RBFOX1: variants seen among roughly 807,000 people sequenced by gnomAD.
The protein encoded by RBFOX1 is RNA binding protein fox-1 homolog 1.
In RBFOX1, 8 loss-of-function variants were observed where a neutral mutation model predicts 57.7. That is an observed-to-expected ratio of 0.14 (90% CI 0.08 to 0.25). The LOEUF is 0.25. RBFOX1 is among the 10% of genes least tolerant of loss of function. RBFOX1 has a pLI of 1.00. For synonymous variants in RBFOX1, 326 were observed against 222.4 expected (o/e 1.47, Z -4.15); for missense variants, 611 against 548.5 (o/e 1.11, Z -1.14).
intron 3 of RBFOX1, among the ~76,000 whole-genome samples, chr16:6,674,975 G>C (rs1005633537): frequency 6.6e-6 from 1 of 151,874 alleles, no homozygotes; most frequent in African/African-American, 2.4e-5. Flanking sequence ...GCATGATCTT[G>C]GCTCACTGCA....
intron 2 of RBFOX1, among the ~76,000 whole-genome samples, chr16:6,387,498 G>C (rs1053677109): frequency 1.3e-5 from 2 of 150,970 alleles, no homozygotes; most frequent in African/African-American, 4.9e-5. Flanking sequence ...CTTTTGAAGA[G>C]AGAGGTGTAA....
At chr16:5,630,675 C>G (rs927764781) in intron 3 of RBFOX1, among the ~76,000 whole-genome samples, 1 of 152,074 alleles carries the variant, frequency 6.6e-6, no homozygotes, top group Non-Finnish European at 1.5e-5. Context: ...CAGAGAGAAG[C>G]CAAGCCGGCT....
intron 3 of RBFOX1, among the ~76,000 whole-genome samples, chr16:6,865,150 C>T (rs1430865950): frequency 6.6e-6 from 1 of 151,398 alleles, no homozygotes; most frequent in Non-Finnish European, 1.5e-5. Context: ...TTACAGGTGC[C>T]CACCACCACT....
At chr16:7,113,679 T>C (rs900942484) in intron 4 of RBFOX1, among the ~76,000 whole-genome samples, 2 of 152,246 alleles carry the variant, frequency 1.3e-5, no homozygotes, top group Non-Finnish European at 2.9e-5. Flanking sequence ...ATCTTGGAGA[T>C]TGTTGCATGT....
chr16:7,458,016 G>C (rs550836683), intron 4 of RBFOX1, among the ~76,000 whole-genome samples: 1 of 152,168 alleles, frequency 6.6e-6, no homozygotes, highest in East Asian at 1.9e-4. Context: ...TGCTTGGTTG[G>C]TATATTCAGC....
chr16:6,962,955 C>G (rs139958548), intron 3 of RBFOX1, among the ~76,000 whole-genome samples: 1 of 152,088 alleles, frequency 6.6e-6, no homozygotes, highest in Non-Finnish European at 1.5e-5. Flanking sequence ...TTGCTTTGAT[C>G]GCTCAGCAGT....
At chr16:7,146,534 C>G (rs1330368459) in intron 4 of RBFOX1, among the ~76,000 whole-genome samples, 4 of 152,176 alleles carry the variant, frequency 2.6e-5, no homozygotes, top group East Asian at 1.9e-4. Flanking sequence ...TCAGAGTTAA[C>G]TTTTGTATTT....
chr16:6,159,025 C>T (rs2096858473), intron 1 of RBFOX1, among the ~76,000 whole-genome samples: 1 of 152,036 alleles, frequency 6.6e-6, no homozygotes. Flanking sequence ...GCCTCAGCCT[C>T]CCAAGGAGCT....
rs193243052 is a variant in RBFOX1 at position 6,536,018 on chromosome 16, G to A, written c.-63-118585G>A. On this transcript the variant is annotated intron_variant, in intron 2 of 15. Transcript: ENST00000550418. ...CTATCTCTAGGCTATCCACAAAATGGAGATGTGTGATTCATGCTTTTCATG... is the reference window on the plus strand; with the variant it reads ...CTATCTCTAGGCTATCCACAAAATGAAGATGTGTGATTCATGCTTTTCATG... Among the ~76,000 whole-genome samples, 50 of 152,222 alleles carry A rather than the reference G, an allele frequency of 3.3e-4. 1 individual carries two copies. In the East Asian group the frequency reaches 9.3e-3, roughly 28 times the overall value.
At chr16:6,594,286 A>G (rs1258744848) in intron 2 of RBFOX1, among the ~76,000 whole-genome samples, 2 of 152,238 alleles carry the variant, frequency 1.3e-5, no homozygotes, top group Non-Finnish European at 2.9e-5. Context: ...AGAACCATCT[A>G]GACAGCCATA....
At chr16:6,711,974 T>A (rs4786111) in intron 3 of RBFOX1, among the ~76,000 whole-genome samples, 148,571 of 152,262 alleles carry the variant, frequency 0.98, 72,573 homozygotes, top group Middle Eastern at 1. Context: ...TGTAGCATTT[T>A]GTATAGTATA....
At chr16:6,034,713 G>GT in intron 1 of RBFOX1, among the ~76,000 whole-genome samples, 1 of 152,238 alleles carries the variant, frequency 6.6e-6, no homozygotes, top group South Asian at 2.1e-4. Context: ...TGTCATTGCT[G>GT]TTTTTTTGCT....
At chr16:5,247,390 C>T (rs190349087) in intron 1 of RBFOX1, among the ~76,000 whole-genome samples, 33 of 152,304 alleles carry the variant, frequency 2.2e-4, no homozygotes, top group African/African-American at 7.5e-4. Flanking sequence ...TTTGTCCCTC[C>T]GCATGAGATG....
At chr16:7,371,119 G>A (rs1347181013) in intron 4 of RBFOX1, among the ~76,000 whole-genome samples, 1 of 152,098 alleles carries the variant, frequency 6.6e-6, no homozygotes, top group Non-Finnish European at 1.5e-5. Context: ...TTTCATAAAT[G>A]CCAAGGCCTG....
chr16:6,014,123 AAAAAT>A (rs544288356), upstream of RBFOX1, among the ~76,000 whole-genome samples: 8 of 152,304 alleles, frequency 5.3e-5, no homozygotes, highest in East Asian at 1.2e-3. Context: ...AAAAAAATTA[AAAAAT>A]AAAAAGGAAA....
intron 4 of RBFOX1, among the ~76,000 whole-genome samples, chr16:5,950,584 A>G (rs953356868): frequency 1.6e-4 from 25 of 152,132 alleles, no homozygotes; most frequent in African/African-American, 6.0e-4. Flanking sequence ...AATCATTGCT[A>G]TTCTTCTTTT....
intron 3 of RBFOX1, among the ~76,000 whole-genome samples, chr16:6,811,874 A>G (rs557479532): frequency 1.2e-4 from 19 of 152,324 alleles, no homozygotes; most frequent in African/African-American, 3.6e-4. Context: ...GGGCAACACG[A>G]GTGAAACTCC....
chr16:6,556,547 A>C (rs1282590986), intron 2 of RBFOX1, among the ~76,000 whole-genome samples: 2 of 152,222 alleles, frequency 1.3e-5, no homozygotes, highest in Admixed American at 6.5e-5. Flanking sequence ...CGAATCAGCC[A>C]TTCACTGGGT....
intron 3 of RBFOX1, among the ~76,000 whole-genome samples, chr16:5,678,495 T>A (rs2050232957): frequency 1.3e-5 from 2 of 152,138 alleles, no homozygotes; most frequent in African/African-American, 4.8e-5. Flanking sequence ...TAGGGCAAGG[T>A]CTTCATGATG....
Sources: allele counts gnomAD v4.1 joint callset (sites outside exome capture counted in the v4.1 genomes callset), GRCh38; gene constraint gnomAD v4.1.1; transcripts MANE v1.5; gene names NCBI Gene and HGNC (gene_info 2026-07-23, HGNC 2026-07-21).